Variants in GNAS observed in about 807,000 individuals in gnomAD.
The protein encoded by GNAS is GNAS complex locus.
In GNAS, 8 loss-of-function variants were observed where a neutral mutation model predicts 54.5. That is an observed-to-expected ratio of 0.15 (90% confidence interval 0.09 to 0.26). GNAS has a LOEUF of 0.26. Ranked by LOEUF, GNAS falls within the 10% of genes least tolerant of loss-of-function variation. The probability of loss-of-function intolerance (pLI) is 1.00; values close to 1 mark genes in which losing one functional copy is unlikely to be tolerated. For missense variants in GNAS, 170 were observed against 529.8 expected (o/e 0.32, Z 6.67); for synonymous variants, 204 against 191.4 (o/e 1.07, Z -0.54).
At chr20:58,905,841 T>A (rs1475333470) in intron 6 of GNAS, among the ~76,000 whole-genome samples, 2 of 152,216 alleles carry the variant, frequency 1.3e-5, no homozygotes, top group Non-Finnish European at 2.9e-5. Flanking sequence ...AAATACTATA[T>A]TTTATTGCTG....
chr20:58,889,712 G>A (rs532755588), upstream of GNAS, among the ~76,000 whole-genome samples: 2 of 151,244 alleles, frequency 1.3e-5, no homozygotes, highest in African/African-American at 4.8e-5. Flanking sequence ...AGCCAGCCCA[G>A]CAGCCCGAAG....
In GNAS at chr20:58,892,344, G is replaced by A. The variant is rs1420362603; in HGVS notation, c.139+479G>A. ...CTCCGTGGGGTGTGAGATTTGTTGG[G>A]AGAGGGAAAGAGGGGAAGAAAGGGG... is the stretch of plus-strand genomic sequence containing the variant. On this transcript the variant is annotated intron_variant, in intron 1 of 12. Coordinates refer to ENST00000371085, the MANE Select transcript of GNAS (RefSeq NM_000516.7). 2.0e-5 allele frequency: 4 copies of A among 196,818 alleles called. No homozygotes were observed. In the Admixed American group the frequency reaches 2.6e-4, roughly 13 times the overall value. 12.2% of individuals were successfully genotyped at this position (196,818 alleles called of 1,614,324 possible). A position where few individuals can be genotyped will look rare whatever the true frequency, so the allele number is the denominator to read the frequency against.
chr20:58,886,254 C>T (rs6026577), intron 1 of GNAS, among the ~76,000 whole-genome samples: 307 of 152,244 alleles, frequency 2.0e-3, no homozygotes, highest in African/African-American at 6.9e-3. Context: ...AGAAATGTTT[C>T]GAGGCCATAT....
chr20:58,855,120 T>C, intron 1 of GNAS: 7 of 1,613,746 alleles, frequency 4.3e-6, no homozygotes, highest in East Asian at 2.2e-5. Context: ...CTTCGGGGGC[T>C]GCTTCGGTCG....
Position 58,905,369 on chromosome 20 carries a change from G to T in GNAS, c.433-14G>T. On this transcript the variant is annotated splice_polypyrimidine_tract_variant and intron_variant, in intron 5 of 12. Transcript: ENST00000371085. Reference sequence around the variant, plus strand: ...CTCTTGCCTTTCTCTAAACTTTCTTGTGTTCACTTTCAGGAATTCTATGAG... The same window carrying T: ...CTCTTGCCTTTCTCTAAACTTTCTTTTGTTCACTTTCAGGAATTCTATGAG... The T allele has an allele frequency of 1.4e-6, 2 of 1,467,394 alleles. No homozygotes were observed. Among genetic ancestry groups the T allele is most frequent in the Middle Eastern group, 1.7e-4 (1 of 5,778 alleles). The allele number at this position is 1,467,394 out of a possible 1,614,324, so 90.9% of individuals were successfully genotyped here. A position where few individuals can be genotyped will look rare whatever the true frequency, so the allele number is the denominator to read the frequency against.
At position 58,865,487 on chromosome 20, in the gene GNAS, TATG is replaced by T. The variant is rs1288810065; in HGVS notation, c.43+24604_43+24606del. Among the ~76,000 whole-genome samples, 4 of 147,730 alleles carry T rather than the reference TATG, an allele frequency of 2.7e-5. No homozygotes were observed. The East Asian group carries it at 7.8e-4, about 29-fold the overall frequency. ...CATATATAATACAAAATATATATAATATGATATATCATATAATATATACATATA... is the reference window on the plus strand; with the variant it reads ...CATATATAATACAAAATATATATAATATATATCATATAATATATACATATA... On this transcript the variant is annotated intron_variant, in intron 1 of 12. Coordinates refer to the GNAS transcript ENST00000306090.
chr20:58,862,575 T>G (rs773256518), intron 1 of GNAS, among the ~76,000 whole-genome samples: 1 of 151,832 alleles, frequency 6.6e-6, no homozygotes, highest in African/African-American at 2.4e-5. Flanking sequence ...TTTTTGTTTG[T>G]GTCTTTGTTT....
At chr20:58,866,817 C>T (rs1198128855) in intron 1 of GNAS, among the ~76,000 whole-genome samples, 2 of 150,890 alleles carry the variant, frequency 1.3e-5, no homozygotes, top group Non-Finnish European at 2.9e-5. Context: ...AATTTATGAC[C>T]TCTGACTTCA....
At chr20:58,904,797 C>T (rs1196442844) in intron 5 of GNAS, among the ~76,000 whole-genome samples, 1 of 151,954 alleles carries the variant, frequency 6.6e-6, no homozygotes, top group African/African-American at 2.4e-5. Context: ...TATAATATAA[C>T]CCACTGACTT....
At chr20:58,871,754 G>C (rs1299161418) in intron 1 of GNAS, among the ~76,000 whole-genome samples, 3 of 151,312 alleles carry the variant, frequency 2.0e-5, no homozygotes. Context: ...AGAAAAGAAA[G>C]GAAAAGAAAA....
chr20:58,893,477 AG>A (rs1348543360), intron 1 of GNAS, among the ~76,000 whole-genome samples: 2 of 152,208 alleles, frequency 1.3e-5, no homozygotes, highest in Admixed American at 6.5e-5. Flanking sequence ...TCAACAAAAC[AG>A]CTTGAGTATA....
intron 1 of GNAS, chr20:58,854,399 C>T (rs1167516193): frequency 6.4e-7 from 1 of 1,565,862 alleles, no homozygotes; most frequent in Non-Finnish European, 8.6e-7. Context: ...CTCCGGGGTA[C>T]GGATCCCCTG....
chr20:58,855,140 T>C, intron 1 of GNAS: 1 of 1,613,416 alleles, frequency 6.2e-7, no homozygotes, highest in Non-Finnish European at 8.5e-7. Flanking sequence ...GATCTGAGAG[T>C]CCCCAGCCCA....
At chr20:58,896,037 C>G (rs2090016076) in intron 2 of GNAS, among the ~76,000 whole-genome samples, 1 of 152,198 alleles carries the variant, frequency 6.6e-6, no homozygotes, top group African/African-American at 2.4e-5. Context: ...ACTGCAGTGT[C>G]TTCAACGTGG....
intron 3 of GNAS, among the ~76,000 whole-genome samples, chr20:58,900,975 T>G (rs2090551642): frequency 1.3e-5 from 2 of 152,148 alleles, no homozygotes; most frequent in Admixed American, 1.3e-4. Context: ...AGACGGGAAG[T>G]TTTCCAATTA....
chr20:58,870,610 C>A (rs1388754239), intron 1 of GNAS, among the ~76,000 whole-genome samples: 5 of 152,300 alleles, frequency 3.3e-5, no homozygotes, highest in Middle Eastern at 3.4e-3. Context: ...TGTCTTGGGT[C>A]CCGGGGACCT....
intron 1 of GNAS, chr20:58,854,262 G>C: frequency 6.2e-7 from 1 of 1,612,988 alleles, no homozygotes; most frequent in South Asian, 1.1e-5. Context: ...AATCGCGCTT[G>C]ACGGCCCGCC....
chr20:58,878,912 T>TGGGGGGGGG (rs11086659), intron 1 of GNAS, among the ~76,000 whole-genome samples: 5 of 95,364 alleles, frequency 5.2e-5, no homozygotes, highest in Middle Eastern at 4.4e-3. Context: ...GGGGTGCGGG[T>TGGGGGGGGG]GGGGGGGGGA....
intron 2 of GNAS, chr20:58,897,652 TCTC>T (rs2090192125): frequency 6.6e-6 from 1 of 152,174 alleles, no homozygotes; most frequent in African/African-American, 2.4e-5. Context: ...AACCAGAACT[TCTC>T]TTTTCTGTTT....
Sources: allele counts gnomAD v4.1 joint callset (sites outside exome capture counted in the v4.1 genomes callset), GRCh38; gene constraint gnomAD v4.1.1; transcripts MANE v1.5; gene names NCBI Gene and HGNC (gene_info 2026-07-23, HGNC 2026-07-21).